SLC13A1: variants seen among roughly 807,000 people sequenced by gnomAD.
The protein encoded by SLC13A1 is solute carrier family 13 member 1.
SLC13A1 carries 65 observed loss-of-function variants against 70.0 expected under a neutral mutation model. The ratio of observed to expected loss-of-function variants is 0.93; its 90% CI spans 0.76 to 1.14. SLC13A1 has a LOEUF of 1.14. SLC13A1 is among the 50% of genes most tolerant of loss of function. The pLI, the probability that SLC13A1 is intolerant of heterozygous loss-of-function variation, is 0.00. For missense variants in SLC13A1, 726 were observed against 717.8 expected (o/e 1.01, Z -0.13); for synonymous variants, 275 against 250.5 (o/e 1.10, Z -0.92).
In SLC13A1 at chr7:123,171,820, G is replaced by T. The variant is rs1249107004; in HGVS notation, c.313C>A (p.His105Asn). 7.4e-6 allele frequency: 12 copies of T among 1,613,614 alleles called. No individual in the cohort carries two copies. Among genetic ancestry groups the T allele is most frequent in the African/African-American group, 1.3e-5 (1 of 74,898 alleles). ...LATSIEKWNL[H>N]KRIALKMVMM... Reference sequence around the variant, plus strand: ...ACCATTTTCAGAGCAATTCTCTTGTGCAAATTCCATTTTTCTATGGATGTT... The same window carrying T: ...ACCATTTTCAGAGCAATTCTCTTGTTCAAATTCCATTTTTCTATGGATGTT... The change falls in exon 3 of 15, where the codon CAC becomes AAC. Residue 105 changes from histidine (H) to asparagine (N), a missense_variant. Coordinates refer to ENST00000194130, the MANE Select transcript of SLC13A1 (RefSeq NM_022444.4).
intron 1 of SLC13A1, among the ~76,000 whole-genome samples, chr7:123,190,063 G>T (rs145356128): frequency 6.6e-6 from 1 of 152,038 alleles, no homozygotes; most frequent in African/African-American, 2.4e-5. Flanking sequence ...CTCACTTAAA[G>T]ATATCCTTTT....
At chr7:123,146,025 T>G (rs1794336164) in intron 7 of SLC13A1, among the ~76,000 whole-genome samples, 1 of 152,196 alleles carries the variant, frequency 6.6e-6, no homozygotes, top group South Asian at 2.1e-4. Flanking sequence ...GAAATTCTGA[T>G]TATTATCTGT....
chr7:123,131,803 A>C (rs1192169740), intron 8 of SLC13A1, among the ~76,000 whole-genome samples: 3 of 152,216 alleles, frequency 2.0e-5, no homozygotes, highest in Non-Finnish European at 4.4e-5. Context: ...CATACCACTC[A>C]TCATGATTTA....
chr7:123,168,251 T>A, intron 6 of SLC13A1, 123 bp downstream of exon 6: 1 of 638,756 alleles, frequency 1.6e-6, no homozygotes, highest in Non-Finnish European at 2.7e-6. Context: ...TGCTACTGCT[T>A]AGTCAAGCAA....
rs1365508097 is a variant in SLC13A1, at chr7:123,115,564, G to C, written c.1742C>G (p.Thr581Ser). ...CATAGCAGGAGCCCACGAAGGGTAAGTGTAGAGGTCAAACATGGGTACAAT... is the reference window on the plus strand; with the variant it reads ...CATAGCAGGAGCCCACGAAGGGTAACTGTAGAGGTCAAACATGGGTACAAT... ...TWIVPMFDLY[T>S]YPSWAPAMSN... The change falls in exon 15 of 15, where the codon ACT (threonine) becomes AGT (serine). Residue 581 changes from threonine (T) to serine (S), a missense_variant. Thr to Ser is a moderately conservative substitution (Grantham distance 58). Transcript: ENST00000194130. 6.2e-7 allele frequency: 1 copy of C among 1,613,800 alleles called. No homozygotes were observed. The highest frequency in any genetic ancestry group is 8.5e-7 in the Non-Finnish European group (1 of 1,179,836).
chr7:123,135,273 A>G (rs1223300827), intron 7 of SLC13A1, among the ~76,000 whole-genome samples: 2 of 152,216 alleles, frequency 1.3e-5, no homozygotes, highest in African/African-American at 2.4e-5. Flanking sequence ...CAACAACAAC[A>G]TAAGATCAGA....
chr7:123,191,285 A>G (rs966977106), intron 1 of SLC13A1, among the ~76,000 whole-genome samples: 1 of 152,164 alleles, frequency 6.6e-6, no homozygotes, highest in Non-Finnish European at 1.5e-5. Context: ...CCTGTGAGCC[A>G]TCATAGCCAG....
intron 11 of SLC13A1, among the ~76,000 whole-genome samples, chr7:123,124,525 T>A (rs975961938): frequency 6.6e-6 from 1 of 152,134 alleles, no homozygotes; most frequent in African/African-American, 2.4e-5. Context: ...CCCAGTTCCA[T>A]CCCCATAAGA....
chr7:123,188,008 A>C (rs1417447662), intron 1 of SLC13A1, among the ~76,000 whole-genome samples: 1 of 152,176 alleles, frequency 6.6e-6, no homozygotes, highest in Non-Finnish European at 1.5e-5. Context: ...CCCATTTGCT[A>C]TCTGACATGG....
chr7:123,175,742 G>A (rs550851396), intron 2 of SLC13A1, among the ~76,000 whole-genome samples: 1 of 151,912 alleles, frequency 6.6e-6, no homozygotes, highest in Non-Finnish European at 1.5e-5. Context: ...AATCTGAATG[G>A]GCTAAGATAC....
At chr7:123,187,329 C>A (rs1025601314) in intron 1 of SLC13A1, among the ~76,000 whole-genome samples, 5 of 152,004 alleles carry the variant, frequency 3.3e-5, no homozygotes, top group Non-Finnish European at 7.4e-5. Flanking sequence ...ATATTAGAAG[C>A]TTTTTAGCAG....
intron 8 of SLC13A1, among the ~76,000 whole-genome samples, chr7:123,133,639 G>A (rs917227691): frequency 5.3e-5 from 8 of 152,030 alleles, no homozygotes; most frequent in Non-Finnish European, 1.2e-4. Flanking sequence ...CCGGGTTCAA[G>A]CAATTCTCCT....
intron 2 of SLC13A1, among the ~76,000 whole-genome samples, chr7:123,174,142 A>C (rs904245881): frequency 2.0e-5 from 3 of 152,018 alleles, no homozygotes; most frequent in Admixed American, 1.3e-4. Context: ...AATTTGAAAG[A>C]TTCAACTTTA....
intron 6 of SLC13A1, among the ~76,000 whole-genome samples, chr7:123,149,149 T>C (rs913268726): frequency 1.3e-5 from 2 of 152,114 alleles, no homozygotes; most frequent in African/African-American, 4.8e-5. Context: ...GGTCTCTTTA[T>C]GTTGAAATCC....
chr7:123,119,261 A>G lies in SLC13A1; in HGVS notation c.1351-19T>C, dbSNP rs768944627. 1 of 1,540,348 alleles carries G rather than the reference A, an allele frequency of 6.5e-7. No individual in the cohort carries two copies. Among genetic ancestry groups the G allele is most frequent in the Non-Finnish European group, 8.9e-7 (1 of 1,129,270 alleles). ...CAGACTCCTAAAAAACAAATTTGCA[A>G]TATTTGTTACTCATGAATAATTCTT... On this transcript the variant is annotated intron_variant, in intron 12 of 14. Transcript: ENST00000194130.
intron 9 of SLC13A1, 21 bp downstream of exon 9, chr7:123,129,361 TG>T: frequency 8.3e-7 from 1 of 1,205,768 alleles, no homozygotes; most frequent in Non-Finnish European, 1.2e-6. Flanking sequence ...TGTGTGTGTG[TG>T]TGTGTGTGTG....
intron 1 of SLC13A1, among the ~76,000 whole-genome samples, chr7:123,182,572 T>A (rs1256033505): frequency 6.6e-6 from 1 of 152,052 alleles, no homozygotes; most frequent in African/African-American, 2.4e-5. Context: ...CAGATACAGG[T>A]CTAGCCACCC....
At chr7:123,184,440 C>A (rs1201401087) in intron 1 of SLC13A1, among the ~76,000 whole-genome samples, 1 of 152,080 alleles carries the variant, frequency 6.6e-6, no homozygotes, top group African/African-American at 2.4e-5. Context: ...ACCCTGGAAA[C>A]CACAAGTTCA....
At chr7:123,160,526 T>G (rs1563338569) in intron 6 of SLC13A1, among the ~76,000 whole-genome samples, 2 of 152,112 alleles carry the variant, frequency 1.3e-5, no homozygotes, top group South Asian at 2.1e-4. Context: ...TCTCATCAGT[T>G]GCTGAATAAA....
Sources: gnomAD v4.1 joint callset for allele counts (sites outside exome capture counted in the v4.1 genomes callset) on GRCh38, gnomAD v4.1.1 for gene constraint, MANE v1.5 for transcripts, NCBI Gene and HGNC (gene_info 2026-07-23, HGNC 2026-07-21) for gene names.